The following RGS6 variants were observed in gnomAD, a reference collection of about 807,000 sequenced individuals.
RGS6 encodes the protein regulator of G-protein signaling 6.
A neutral mutation model predicts 78.5 loss-of-function variants in RGS6; 30 were observed. The ratio of observed to expected loss-of-function variants is 0.38; its 90% CI spans 0.29 to 0.52. RGS6 has a LOEUF of 0.52. RGS6 is among the 20% of genes least tolerant of loss of function. RGS6 has a pLI of 0.85. For missense variants in RGS6, 495 were observed against 609.7 expected, an observed-to-expected ratio of 0.81 and a Z score of 1.98; for synonymous variants, 206 against 206.0, an observed-to-expected ratio of 1.00 and a Z score of 0.00.
At chr14:72,305,802 A>T (rs191357800) in intron 2 of RGS6, among the ~76,000 whole-genome samples, 1 of 152,230 alleles carries the variant, frequency 6.6e-6, no homozygotes, top group East Asian at 1.9e-4. Context: ...TACATCTCTC[A>T]CTTTAAGTTA....
intron 8 of RGS6, among the ~76,000 whole-genome samples, chr14:72,472,017 C>T (rs2096090457): frequency 6.6e-6 from 1 of 152,036 alleles, no homozygotes; most frequent in Non-Finnish European, 1.5e-5. Flanking sequence ...CCTAAGTACA[C>T]AGTAATTATC....
intron 2 of RGS6, among the ~76,000 whole-genome samples, chr14:72,011,862 C>T (rs990737608): frequency 3.7e-4 from 56 of 152,086 alleles, no homozygotes; most frequent in Admixed American, 3.5e-3. Context: ...GTGTATTTAA[C>T]GGTCTATTGT....
intron 2 of RGS6, among the ~76,000 whole-genome samples, chr14:72,161,441 C>T (rs889466906): frequency 6.6e-5 from 10 of 152,086 alleles, no homozygotes; most frequent in Admixed American, 2.0e-4. Context: ...CTTTTGCTTG[C>T]GTTGAGGAAA....
chr14:72,444,009 C>T (rs926706210), intron 3 of RGS6, among the ~76,000 whole-genome samples: 19 of 152,162 alleles, frequency 1.2e-4, no homozygotes, highest in African/African-American at 4.3e-4. Flanking sequence ...AGCTAAATCC[C>T]GCACACTCTC....
intron 6 of RGS6, among the ~76,000 whole-genome samples, chr14:72,465,348 G>A (rs988231704): frequency 7.9e-5 from 12 of 152,150 alleles, no homozygotes; most frequent in African/African-American, 2.9e-4. Context: ...AGAGTGAGGA[G>A]GAAGAAGGGG....
At chr14:72,090,129 AT>A (rs200187997) in intron 2 of RGS6, among the ~76,000 whole-genome samples, 23,298 of 125,650 alleles carry the variant, frequency 0.19, 3,408 homozygotes, top group Non-Finnish European at 0.27. Flanking sequence ...AAAAAAAAAA[AT>A]AAAGCCTTCA....
intron 2 of RGS6, among the ~76,000 whole-genome samples, chr14:72,213,790 T>C (rs953759061): frequency 4.6e-5 from 7 of 152,214 alleles, no homozygotes; most frequent in African/African-American, 1.7e-4. Flanking sequence ...CAGAGTCTTT[T>C]CCCTATTGCA....
chr14:71,988,824 C>T (rs898076862), intron 2 of RGS6, among the ~76,000 whole-genome samples: 1 of 152,006 alleles, frequency 6.6e-6, no homozygotes, highest in African/African-American at 2.4e-5. Flanking sequence ...AGGGGGTATA[C>T]AAGATAAATT....
intron 2 of RGS6, among the ~76,000 whole-genome samples, chr14:72,323,871 A>G (rs192541887): frequency 5.5e-5 from 8 of 145,796 alleles, no homozygotes; most frequent in Admixed American, 6.9e-5. Context: ...GTTAAAATAT[A>G]TATGTCTCCA....
chr14:72,586,429 GGGTGGAAGCAGCCTCAA>G, the RGS6 span, among the ~76,000 whole-genome samples: 2 of 152,168 alleles, frequency 1.3e-5, no homozygotes. Context: ...CTTCCACCAT[GGGTGGAAGCAGCCTCAA>G]GTTCTTGCCA....
chr14:72,446,727 A>G, intron 3 of RGS6, among the ~76,000 whole-genome samples: 1 of 152,188 alleles, frequency 6.6e-6, no homozygotes, highest in Non-Finnish European at 1.5e-5. Flanking sequence ...TTTTCCTGTA[A>G]CTAGACAGTC....
At chr14:72,623,021 T>G in the RGS6 span, among the ~76,000 whole-genome samples, 1 of 152,304 alleles carries the variant, frequency 6.6e-6, no homozygotes, top group East Asian at 1.9e-4. Context: ...GTCTATATAT[T>G]CCTCCAGATT....
chr14:72,608,983 A>G, the RGS6 span, among the ~76,000 whole-genome samples: 1 of 152,214 alleles, frequency 6.6e-6, no homozygotes, highest in Non-Finnish European at 1.5e-5. Flanking sequence ...CAGGATCTCT[A>G]CATTTGCAAG....
chr14:72,597,914 C>T, the RGS6 span, among the ~76,000 whole-genome samples: 1 of 152,220 alleles, frequency 6.6e-6, no homozygotes, highest in Non-Finnish European at 1.5e-5. Flanking sequence ...TCCACACCCT[C>T]CTTTCCTCCC....
chr14:72,222,572 T>C (rs1217031134), intron 2 of RGS6, among the ~76,000 whole-genome samples: 1 of 152,208 alleles, frequency 6.6e-6, no homozygotes, highest in Non-Finnish European at 1.5e-5. Context: ...CTGTGGCAGA[T>C]GTAACTAGAA....
intron 2 of RGS6, among the ~76,000 whole-genome samples, chr14:72,156,051 G>T (rs921047500): frequency 6.6e-6 from 1 of 152,208 alleles, no homozygotes; most frequent in African/African-American, 2.4e-5. Context: ...GTGCAGCCTG[G>T]GCATCTGGAA....
intron 6 of RGS6, among the ~76,000 whole-genome samples, 156 bp from the exon 7 acceptor site, chr14:72,465,594 ATGGATGGT>A (rs1566913999): frequency 7.0e-4 from 85 of 121,192 alleles, no homozygotes; most frequent in African/African-American, 2.5e-3. Flanking sequence ...GGATGGATGG[ATGGATGGT>A]TGGGTGGATG....
At chr14:72,108,328 C>T (rs1436930198) in intron 2 of RGS6, among the ~76,000 whole-genome samples, 1 of 152,008 alleles carries the variant, frequency 6.6e-6, no homozygotes, top group Non-Finnish European at 1.5e-5. Flanking sequence ...AAGTCACATT[C>T]TCTTTTTGCA....
At chr14:72,491,530 A>C (rs1020749552) in intron 12 of RGS6, among the ~76,000 whole-genome samples, 7 of 152,176 alleles carry the variant, frequency 4.6e-5, no homozygotes, top group African/African-American at 1.2e-4. Context: ...ATTTCAACAC[A>C]TTTGTCCAAG....
Sources: allele counts gnomAD v4.1 joint callset (sites outside exome capture counted in the v4.1 genomes callset), GRCh38; gene constraint gnomAD v4.1.1; transcripts MANE v1.5; gene names NCBI Gene and HGNC (gene_info 2026-07-23, HGNC 2026-07-21).